Variants in ACTR3C observed in about 807,000 individuals in gnomAD.
ACTR3C encodes the protein actin related protein 3C, also known as actin-related protein 3C.
A neutral mutation model predicts 26.3 loss-of-function variants in ACTR3C; 18 were observed. The observed-to-expected ratio is 0.68, with a 90% CI of 0.47 to 1.01. ACTR3C has a LOEUF of 1.01. Among genes scored for constraint, ACTR3C ranks in the 50% least tolerant of loss-of-function variants. The pLI is 0.00. For missense variants in ACTR3C, 184 were observed against 250.7 expected, an observed-to-expected ratio of 0.73 and a Z score of 1.80; for synonymous variants, 55 against 94.5, an observed-to-expected ratio of 0.58 and a Z score of 2.42.
At chr7:149,925,610 G>GT in the ACTR3C span, among the ~76,000 whole-genome samples, 2 of 152,112 alleles carry the variant, frequency 1.3e-5, no homozygotes, top group South Asian at 4.1e-4. Context: ...CAGTCATTGG[G>GT]TTTTTTCCAT....
At chr7:150,089,458 T>C in the ACTR3C span, among the ~76,000 whole-genome samples, 2 of 152,202 alleles carry the variant, frequency 1.3e-5, no homozygotes, top group African/African-American at 4.8e-5. Flanking sequence ...TGTGATGCAA[T>C]ATGCAAGCCT....
the ACTR3C span, among the ~76,000 whole-genome samples, chr7:150,187,370 T>C: frequency 6.6e-6 from 1 of 152,128 alleles, no homozygotes; most frequent in African/African-American, 2.4e-5. Context: ...TAGGAGATAA[T>C]TCATACATAT....
At chr7:149,979,085 A>G in the ACTR3C span, among the ~76,000 whole-genome samples, 1 of 152,240 alleles carries the variant, frequency 6.6e-6, no homozygotes, top group Admixed American at 6.5e-5. Flanking sequence ...CATCCTATCC[A>G]GCATTCTCCC....
rs188732259 is a variant in ACTR3C at position 150,256,108 on chromosome 7, A to C, written c.565-7054T>G. ...ATGTGGCTGCAAAGGACATGATTTC[A>C]TTTTTTATGACAGTGTAGTATTCCA... On this transcript the variant is annotated intron_variant, in intron 6 of 7. Transcript: ENST00000683684. Among the ~76,000 whole-genome samples, 169 of 152,334 alleles carry C rather than the reference A, an allele frequency of 1.1e-3. 2 individuals carry two copies. Among genetic ancestry groups the C allele is most frequent in the African/African-American group, 3.5e-3 (144 of 41,584 alleles).
At chr7:150,304,048 A>C (rs1795627301) in intron 1 of ACTR3C, among the ~76,000 whole-genome samples, 1 of 152,246 alleles carries the variant, frequency 6.6e-6, no homozygotes, top group Non-Finnish European at 1.5e-5. Flanking sequence ...CTCTAAAACT[A>C]CAGTAAAGAA....
At chr7:150,035,540 C>CGT in the ACTR3C span, among the ~76,000 whole-genome samples, 2 of 121,660 alleles carry the variant, frequency 1.6e-5, no homozygotes, top group African/African-American at 3.4e-5. Context: ...GTGCCTCCCC[C>CGT]TCCTGCGATG....
the ACTR3C span, among the ~76,000 whole-genome samples, chr7:150,086,888 C>A: frequency 6.6e-6 from 1 of 152,150 alleles, no homozygotes; most frequent in Non-Finnish European, 1.5e-5. Context: ...CAAATAGAAG[C>A]ATGAGGAGCA....
chr7:150,035,041 C>T, the ACTR3C span, among the ~76,000 whole-genome samples: 2 of 138,994 alleles, frequency 1.4e-5, 1 homozygote, highest in Non-Finnish European at 3.2e-5. Flanking sequence ...GACTGGCTCT[C>T]AGTAATCCCA....
chr7:150,208,907 A>G, the ACTR3C span, among the ~76,000 whole-genome samples: 1 of 152,228 alleles, frequency 6.6e-6, no homozygotes, highest in African/African-American at 2.4e-5. Context: ...TGAATTCCAT[A>G]TGTGCAAAAT....
chr7:149,957,609 A>G, the ACTR3C span, among the ~76,000 whole-genome samples: 1 of 152,178 alleles, frequency 6.6e-6, no homozygotes, highest in African/African-American at 2.4e-5. Context: ...TTGGCCTTGG[A>G]CTGAAAGTTA....
At chr7:150,106,153 C>A in the ACTR3C span, among the ~76,000 whole-genome samples, 1 of 151,750 alleles carries the variant, frequency 6.6e-6, no homozygotes, top group Non-Finnish European at 1.5e-5. Context: ...AAGTCTAAAT[C>A]CACTGTTGTT....
intron 6 of ACTR3C, among the ~76,000 whole-genome samples, chr7:150,266,769 T>C (rs10234866): frequency 0.15 from 23,293 of 152,142 alleles, 3,369 homozygotes; most frequent in African/African-American, 0.37. Context: ...AAGATTCAAA[T>C]GGACATTTCA....
intron 6 of ACTR3C, among the ~76,000 whole-genome samples, chr7:150,259,407 G>A (rs1015372971): frequency 1.3e-5 from 2 of 152,026 alleles, no homozygotes; most frequent in African/African-American, 2.4e-5. Context: ...AATCAAAAAC[G>A]AATATCTGAC....
At chr7:150,234,857 T>C in the ACTR3C span, among the ~76,000 whole-genome samples, 1 of 152,240 alleles carries the variant, frequency 6.6e-6, no homozygotes, top group South Asian at 2.1e-4. Flanking sequence ...GTACCTTTTT[T>C]TGACCTTATG....
the ACTR3C span, among the ~76,000 whole-genome samples, chr7:150,035,202 G>T: frequency 7.9e-6 from 1 of 126,576 alleles, no homozygotes; most frequent in East Asian, 2.2e-4. Flanking sequence ...CCCGCCTCAC[G>T]GGGGGTGCCT....
At chr7:150,257,783 T>C (rs571446555) in intron 6 of ACTR3C, among the ~76,000 whole-genome samples, 1 of 152,272 alleles carries the variant, frequency 6.6e-6, no homozygotes, top group East Asian at 1.9e-4. Flanking sequence ...GAGAAGGTCA[T>C]AGTCCAAGAG....
the ACTR3C span, among the ~76,000 whole-genome samples, chr7:149,982,706 C>T: frequency 6.6e-6 from 1 of 151,994 alleles, no homozygotes; most frequent in South Asian, 2.1e-4. Flanking sequence ...AGTGTAGGAG[C>T]ATCTTGTTAC....
chr7:150,078,687 T>A, the ACTR3C span, among the ~76,000 whole-genome samples: 1 of 152,146 alleles, frequency 6.6e-6, no homozygotes, highest in East Asian at 1.9e-4. Flanking sequence ...GACCAGCCAA[T>A]GGGATGCCCA....
chr7:150,166,905 T>C, the ACTR3C span, among the ~76,000 whole-genome samples: 13,535 of 150,200 alleles, frequency 0.09, 2,922 homozygotes, highest in African/African-American at 0.33. Flanking sequence ...CATACAATAT[T>C]TGTCTTTTTG....
Sources: gnomAD v4.1 joint callset for allele counts (sites outside exome capture counted in the v4.1 genomes callset) on GRCh38, gnomAD v4.1.1 for gene constraint, MANE v1.5 for transcripts, NCBI Gene and HGNC (gene_info 2026-07-23, HGNC 2026-07-21) for gene names.